Variants in ADAMTSL1 observed in about 807,000 individuals in gnomAD.
ADAMTSL1 encodes ADAMTS like 1.
A neutral mutation model predicts 201.8 loss-of-function variants in ADAMTSL1; 126 were observed. The observed-to-expected ratio is 0.62, with a 90% confidence interval of 0.54 to 0.72. The LOEUF (loss-of-function observed/expected upper bound fraction) is 0.72, where lower values mean the gene tolerates loss of function less well. Ranked by LOEUF, ADAMTSL1 falls within the 30% of genes least tolerant of loss-of-function variation. The pLI is 0.00. For synonymous variants in ADAMTSL1, 1,121 were observed against 903.4 expected (o/e 1.24, Z -4.32); for missense variants, 2,679 against 2,277.8 (o/e 1.18, Z -3.59).
chr9:18,250,834 C>T (rs1363670190), intron 2 of ADAMTSL1, among the ~76,000 whole-genome samples: 1 of 152,132 alleles, frequency 6.6e-6, no homozygotes, highest in Non-Finnish European at 1.5e-5. Context: ...GAAGAAATGA[C>T]TCGTTTTCTA....
intron 20 of ADAMTSL1, among the ~76,000 whole-genome samples, chr9:18,804,491 A>G (rs939870444): frequency 2.0e-5 from 3 of 152,200 alleles, no homozygotes; most frequent in African/African-American, 7.2e-5. Flanking sequence ...AGACTAAGAA[A>G]AGATCTTGCA....
intron 2 of ADAMTSL1, among the ~76,000 whole-genome samples, chr9:18,300,037 G>C (rs752159212): frequency 1.3e-5 from 2 of 152,176 alleles, no homozygotes; most frequent in Non-Finnish European, 2.9e-5. Flanking sequence ...TTCAACCATT[G>C]TGGAAGACAG....
At chr9:18,883,913 ATTC>A (rs1324308753) in intron 23 of ADAMTSL1, among the ~76,000 whole-genome samples, 2 of 152,120 alleles carry the variant, frequency 1.3e-5, no homozygotes, top group Non-Finnish European at 2.9e-5. Flanking sequence ...CCTGCTTTCA[ATTC>A]TTTTGAATAT....
intron 1 of ADAMTSL1, among the ~76,000 whole-genome samples, chr9:17,965,741 A>G (rs1817957945): frequency 6.6e-6 from 1 of 152,134 alleles, no homozygotes; most frequent in African/African-American, 2.4e-5. Context: ...GGAGGCCCCA[A>G]GGGCATGTAA....
At chr9:18,066,026 C>T (rs1245651565) in intron 1 of ADAMTSL1, among the ~76,000 whole-genome samples, 1 of 148,760 alleles carries the variant, frequency 6.7e-6, no homozygotes, top group Non-Finnish European at 1.5e-5. Flanking sequence ...AATGGCACCA[C>T]CACAATGACC....
chr9:18,670,219 A>C (rs1829728607), intron 9 of ADAMTSL1, among the ~76,000 whole-genome samples: 1 of 152,180 alleles, frequency 6.6e-6, no homozygotes, highest in Admixed American at 6.5e-5. Context: ...AAAGGCAAAA[A>C]TGAATCAACT....
intron 5 of ADAMTSL1, among the ~76,000 whole-genome samples, chr9:18,630,906 ATTTGGTTCC>A (rs988560800): frequency 6.6e-6 from 1 of 152,068 alleles, no homozygotes; most frequent in Non-Finnish European, 1.5e-5. Context: ...CTCCACAGCC[ATTTGGTTCC>A]TAGAGGTTGA....
At chr9:18,869,264 GACA>G (rs1827736485) in intron 23 of ADAMTSL1, among the ~76,000 whole-genome samples, 1 of 152,178 alleles carries the variant, frequency 6.6e-6, no homozygotes, top group Admixed American at 6.5e-5. Context: ...AGAACTATCA[GACA>G]ATAAATTCAT....
intron 2 of ADAMTSL1, among the ~76,000 whole-genome samples, chr9:18,290,813 G>A (rs533703335): frequency 7.1e-6 from 1 of 141,180 alleles, no homozygotes; most frequent in Admixed American, 7.4e-5. Flanking sequence ...GCAGAGTCTC[G>A]CTCTGTCGCC....
intron 1 of ADAMTSL1, among the ~76,000 whole-genome samples, chr9:18,482,798 A>G (rs1420254600): frequency 6.6e-6 from 1 of 152,212 alleles, no homozygotes; most frequent in East Asian, 1.9e-4. Flanking sequence ...AATGGAAACA[A>G]TAAGAACTCC....
At chr9:18,216,335 A>T (rs1230961880) in intron 2 of ADAMTSL1, among the ~76,000 whole-genome samples, 1 of 152,228 alleles carries the variant, frequency 6.6e-6, no homozygotes, top group Non-Finnish European at 1.5e-5. Flanking sequence ...GTATTTCATA[A>T]TAAGCAATTT....
intron 2 of ADAMTSL1, among the ~76,000 whole-genome samples, chr9:18,254,672 C>A (rs887228884): frequency 6.7e-5 from 9 of 135,218 alleles, no homozygotes; most frequent in Non-Finnish European, 1.1e-4. Flanking sequence ...CCCCCGCCCC[C>A]CCCAGTACTC....
chr9:18,252,110 GAAGA>G (rs1430052045), intron 2 of ADAMTSL1, among the ~76,000 whole-genome samples: 1 of 151,978 alleles, frequency 6.6e-6, no homozygotes, highest in Non-Finnish European at 1.5e-5. Context: ...AGTATAAAAA[GAAGA>G]AAGAAAAATG....
chr9:18,431,552 C>T (rs1306533933), intron 2 of ADAMTSL1, among the ~76,000 whole-genome samples: 1 of 152,152 alleles, frequency 6.6e-6, no homozygotes, highest in Non-Finnish European at 1.5e-5. Context: ...TTGGAAGCAA[C>T]ATTAGAGGTC....
chr9:18,675,739 T>C (rs1830096112), intron 9 of ADAMTSL1, 118 bp from the exon 10 acceptor site: 3 of 905,384 alleles, frequency 3.3e-6, no homozygotes, highest in Non-Finnish European at 3.5e-6. Context: ...GTTTTATAGA[T>C]ACAATTTATT....
chr9:18,597,937 A>G (rs867981756), intron 4 of ADAMTSL1, among the ~76,000 whole-genome samples: 2 of 152,324 alleles, frequency 1.3e-5, no homozygotes, highest in Middle Eastern at 3.4e-3. Context: ...TTAGTATAAT[A>G]AACCCCACCT....
chr9:18,326,593 C>G (rs1027009878), intron 2 of ADAMTSL1, among the ~76,000 whole-genome samples: 24 of 152,144 alleles, frequency 1.6e-4, no homozygotes, highest in African/African-American at 5.6e-4. Context: ...TATCAGGCAT[C>G]TTAAATATTA....
At chr9:18,785,858 T>C (rs148455937) in intron 19 of ADAMTSL1, among the ~76,000 whole-genome samples, 1 of 152,200 alleles carries the variant, frequency 6.6e-6, no homozygotes, top group African/African-American at 2.4e-5. Context: ...TTCTCCAAAA[T>C]TGGCACTGCA....
intron 23 of ADAMTSL1, among the ~76,000 whole-genome samples, chr9:18,832,427 T>C (rs745699614): frequency 6.6e-6 from 1 of 152,186 alleles, no homozygotes; most frequent in African/African-American, 2.4e-5. Flanking sequence ...GAAGTAGATG[T>C]ACTACCTGGG....
Sources: allele counts gnomAD v4.1 joint callset (sites outside exome capture counted in the v4.1 genomes callset), GRCh38; gene constraint gnomAD v4.1.1; transcripts MANE v1.5; gene names NCBI Gene and HGNC (gene_info 2026-07-23, HGNC 2026-07-21).